The following LRRC9 variants were observed in gnomAD, a reference collection of about 807,000 sequenced individuals.
LRRC9 encodes the protein leucine rich repeat containing 9, also known as leucine-rich repeat-containing protein 9.
Under a neutral mutation model 63.2 loss-of-function variants are expected in LRRC9, and 122 were observed. The ratio of observed to expected loss-of-function variants is 1.93; its 90% CI spans 1.67 to 2.24. LRRC9 has a LOEUF of 2.24. LRRC9 is among the 30% of genes most tolerant of loss of function. The pLI, the probability that LRRC9 is intolerant of heterozygous loss-of-function variation, is 0.00. For missense variants in LRRC9, 1,071 were observed against 627.7 expected, an observed-to-expected ratio of 1.71 and a Z score of -7.55; for synonymous variants, 366 against 213.1, an observed-to-expected ratio of 1.72 and a Z score of -6.25.
chr14:59,946,633 T>A (rs1201853568), intron 8 of LRRC9, among the ~76,000 whole-genome samples: 1 of 145,846 alleles, frequency 6.9e-6, no homozygotes, highest in Non-Finnish European at 1.5e-5. Flanking sequence ...ATTAGGTATA[T>A]CTCCCAGTGC....
At chr14:60,020,345 A>G (rs575338942) in intron 26 of LRRC9, among the ~76,000 whole-genome samples, 1 of 151,992 alleles carries the variant, frequency 6.6e-6, no homozygotes, top group African/African-American at 2.4e-5. Flanking sequence ...CAAGTTATTT[A>G]TGCATTTATC....
exon 16 of LRRC9, chr14:59,982,000 T>G (rs1344628721): frequency 1.4e-6 from 1 of 702,512 alleles, no homozygotes; most frequent in Non-Finnish European, 2.6e-6. Flanking sequence ...CAAAACTGAT[T>G]AGTTTGGATG....
Position 59,990,362 on chromosome 14 carries a change from C to T in LRRC9, c.2211+5138C>T, listed in dbSNP as rs771702120. On this transcript the variant is annotated intron_variant, in intron 17 of 31. Transcript: ENST00000445360. The surrounding 1 kb of genome is among the most constrained non-coding windows in gnomAD (Gnocchi z 4.2). Reference sequence around the variant, plus strand: ...AATAGTTTTTAGATTCACAGGGGCTCGACTGCTCCAGGGACTGCTTTCTTC... The same window carrying T: ...AATAGTTTTTAGATTCACAGGGGCTTGACTGCTCCAGGGACTGCTTTCTTC... 1.4e-4 allele frequency among the ~76,000 whole-genome samples: 22 copies of T among 152,222 alleles called. No individual in the cohort carries two copies. The highest frequency in any genetic ancestry group is 4.1e-4 in the African/African-American group (17 of 41,554).
chr14:60,001,310 G>T (rs181375939), intron 19 of LRRC9, among the ~76,000 whole-genome samples: 1 of 152,070 alleles, frequency 6.6e-6, no homozygotes, highest in African/African-American at 2.4e-5. Flanking sequence ...TATTCATGAT[G>T]ACAGTGTTTA....
rs71451086 is a variant in LRRC9, at chr14:59,938,946, CAT to C, written c.726+376_726+377del. On this transcript the variant is annotated intron_variant, in intron 7 of 31. Transcript: ENST00000445360. The surrounding 1 kb of genome is among the most constrained non-coding windows in gnomAD (Gnocchi z 4.2). The stretch of plus-strand genomic sequence containing the variant: ...ATATATATACACATATATACATATA[CAT>C]ACATATATACACACATATATACATA... Among the ~76,000 whole-genome samples the C allele has an allele frequency of 5.6e-4, 55 of 97,940 alleles. 1 individual carries two copies. The Middle Eastern group carries it at 0.022, about 39-fold the overall frequency. The allele number at this position is 97,940 out of a possible 152,430, so 64.3% of individuals were successfully genotyped here. A position where few individuals can be genotyped will look rare whatever the true frequency, so the allele number is the denominator to read the frequency against.
rs1891962163 is a variant in LRRC9 at position 60,031,174 on chromosome 14, T to C, written c.3922-821T>C. Among the ~76,000 whole-genome samples the C allele has an allele frequency of 6.6e-6, 1 of 152,080 alleles. No homozygotes were observed. Among genetic ancestry groups the C allele is most frequent in the Admixed American group, 6.6e-5 (1 of 15,236 alleles). ...ATTTACAGATTTTTCAAAGCCCTCA[T>C]TTATGATACTTCCAAAATTAAAATA... On this transcript the variant is annotated intron_variant, in intron 28 of 31. Coordinates refer to ENST00000445360, the Ensembl canonical transcript of LRRC9. This position sits in a 1 kb window ranked among gnomAD's most constrained non-coding sequence, Gnocchi z 4.6.
chr14:60,063,291 C>A, intron 31 of LRRC9, 32 bp from the exon 33 acceptor site: 2 of 697,254 alleles, frequency 2.9e-6, no homozygotes, highest in South Asian at 1.5e-5. Flanking sequence ...TAAGTCACCA[C>A]TATTTGACTA....
rs1329385902 is a variant in LRRC9 at position 59,927,663 on chromosome 14, A to T, written c.-33-248A>T. Among the ~76,000 whole-genome samples, 2 of 151,986 alleles carry T rather than the reference A, an allele frequency of 1.3e-5. No homozygotes were observed. Among genetic ancestry groups the T allele is most frequent in the African/African-American group, 4.8e-5 (2 of 41,436 alleles). ...ATTGAAGGCTCATCGTGTGGAAAAA[A>T]AGTTATACCGAGGAGGTATACTGAC... On this transcript the variant is annotated intron_variant, in intron 1 of 31. Transcript: ENST00000445360. This position sits in a 1 kb window ranked among gnomAD's most constrained non-coding sequence, Gnocchi z 4.4.
In LRRC9 at chr14:59,964,187, G is replaced by A. The variant is rs1254207586; in HGVS notation, c.1212-2402G>A. Reference sequence around the variant, plus strand: ...GAAGAGTCTGAATGTAATTTGGAAGGTAACAAATGGCTGCAAAGGCTTTTG... The same window carrying A: ...GAAGAGTCTGAATGTAATTTGGAAGATAACAAATGGCTGCAAAGGCTTTTG... On this transcript the variant is annotated intron_variant, in intron 10 of 31. Transcript: ENST00000445360. This position sits in a 1 kb window ranked among gnomAD's most constrained non-coding sequence, Gnocchi z 4.4. Among the ~76,000 whole-genome samples, 1 of 152,128 alleles carries A rather than the reference G, an allele frequency of 6.6e-6. No individual in the cohort carries two copies. Among genetic ancestry groups the A allele is most frequent in the Non-Finnish European group, 1.5e-5 (1 of 68,002 alleles).
At chr14:60,048,929 T>C (rs1421283445) in intron 29 of LRRC9, among the ~76,000 whole-genome samples, 1 of 152,180 alleles carries the variant, frequency 6.6e-6, no homozygotes, top group Non-Finnish European at 1.5e-5. Flanking sequence ...AAAAGGCTTA[T>C]CCACCATGAT....
intron 27 of LRRC9, among the ~76,000 whole-genome samples, chr14:60,024,968 T>C (rs987134295): frequency 1.3e-5 from 2 of 152,108 alleles, no homozygotes; most frequent in African/African-American, 4.8e-5. Flanking sequence ...GGCCTCCAGC[T>C]CCATCCAGGC....
rs941810106 is a variant in LRRC9 at position 59,922,716 on chromosome 14, A to C, written c.-34+2833A>C. On this transcript the variant is annotated intron_variant, in intron 1 of 31. Transcript: ENST00000445360. This position sits in a 1 kb window ranked among gnomAD's most constrained non-coding sequence, Gnocchi z 5.3. ...TGATGGCACCACTGTTCTCTGTGAA[A>C]ATGGGGTCAAGATCATCTACTGAGA... Among the ~76,000 whole-genome samples, 1 of 152,220 alleles carries C rather than the reference A, an allele frequency of 6.6e-6. No individual in the cohort carries two copies. Among genetic ancestry groups the C allele is most frequent in the Admixed American group, 6.5e-5 (1 of 15,290 alleles).
chr14:60,018,315 C>G (rs1394485403), intron 24 of LRRC9, 56 bp from the exon 25 acceptor site: 1 of 693,896 alleles, frequency 1.4e-6, no homozygotes, highest in East Asian at 2.7e-5. Context: ...CTCACCTTTT[C>G]CTATATTTTC....
chr14:60,007,344 T>C (rs1230794400), intron 22 of LRRC9, among the ~76,000 whole-genome samples: 4 of 152,148 alleles, frequency 2.6e-5, no homozygotes, highest in African/African-American at 9.6e-5. Context: ...TGATGCACAG[T>C]AGTTTTACTC....
intron 15 of LRRC9, among the ~76,000 whole-genome samples, chr14:59,978,735 A>G (rs1478071285): frequency 3.3e-5 from 5 of 152,190 alleles, no homozygotes; most frequent in Admixed American, 1.3e-4. Flanking sequence ...TATTTCAGTG[A>G]ACATCATTGT....
chr14:59,935,258 C>T (rs1397509866), intron 6 of LRRC9, among the ~76,000 whole-genome samples: 6 of 147,250 alleles, frequency 4.1e-5, no homozygotes, highest in Non-Finnish European at 4.5e-5. Context: ...TGCACCACTG[C>T]ACTACAGCCT....
In LRRC9 at chr14:59,936,257, T is replaced by C. The variant is rs1166184752; in HGVS notation, c.544-2133T>C. 6.6e-6 allele frequency among the ~76,000 whole-genome samples: 1 copy of C among 152,218 alleles called. No homozygotes were observed. The highest frequency in any genetic ancestry group is 1.5e-5 in the Non-Finnish European group (1 of 68,030). On this transcript the variant is annotated intron_variant, in intron 6 of 31. Coordinates refer to ENST00000445360, the Ensembl canonical transcript of LRRC9. The surrounding 1 kb of genome is among the most constrained non-coding windows in gnomAD (Gnocchi z 4.2). ...AAAATTCATTGTGTGACATAATATTTAAAAAGGCTTTTTATGGCATTATGA... is the reference window on the plus strand; with the variant it reads ...AAAATTCATTGTGTGACATAATATTCAAAAAGGCTTTTTATGGCATTATGA...
In LRRC9 at chr14:60,003,898, T is replaced by C. The variant is rs1889595368; in HGVS notation, c.2842+100T>C. 1 of 516,614 alleles carries C rather than the reference T, an allele frequency of 1.9e-6. No homozygotes were observed. The highest frequency in any genetic ancestry group is 3.4e-6 in the Non-Finnish European group (1 of 295,468). The allele number at this position is 516,614 out of a possible 1,614,324, so 32.0% of individuals were successfully genotyped here. ...CAGAGTTTCTGAAGAGGAAGATCTC[T>C]AGGAAAGTTCCAAGTTTTTGTGGCA... On this transcript the variant is annotated intron_variant, in intron 21 of 31. Transcript: ENST00000445360. This position sits in a 1 kb window ranked among gnomAD's most constrained non-coding sequence, Gnocchi z 4.2.
chr14:60,063,526 G>T (rs1484933774), exon 32 of LRRC9: 18 of 505,350 alleles, frequency 3.6e-5, no homozygotes, highest in Non-Finnish European at 5.6e-5. Flanking sequence ...TACCCTTCAT[G>T]AACTTGATTT....
Sources: allele counts gnomAD v4.1 joint callset (sites outside exome capture counted in the v4.1 genomes callset), GRCh38; gene constraint gnomAD v4.1.1; non-coding constraint Gnocchi (gnomAD v3.1); transcripts MANE v1.5; gene names NCBI Gene and HGNC (gene_info 2026-07-23, HGNC 2026-07-21).